The following TBL1X variants were observed in gnomAD, a reference collection of about 807,000 sequenced individuals.
TBL1X encodes F-box-like/WD repeat-containing protein TBL1X.
A neutral mutation model predicts 50.7 loss-of-function variants in TBL1X; 10 were observed. The observed-to-expected ratio is 0.20, with a 90% CI of 0.12 to 0.33. TBL1X has a LOEUF of 0.33. Among genes scored for constraint, TBL1X ranks in the 10% least tolerant of loss-of-function variants. The pLI is 1.00. For synonymous variants in TBL1X, 190 were observed against 214.7 expected (o/e 0.88, Z 1.01); for missense variants, 340 against 504.4 (o/e 0.67, Z 3.12).
chrX:9,578,564 C>T (rs1336905307), intron 2 of TBL1X, among the ~76,000 whole-genome samples: 4 of 111,683 alleles, frequency 3.6e-5, no homozygotes, highest in Non-Finnish European at 7.5e-5. Flanking sequence ...AGAGCTCTGT[C>T]GACGGCGCTA....
chrX:9,684,665 C>G (rs1187888983), intron 6 of TBL1X, among the ~76,000 whole-genome samples: 2 of 106,070 alleles, frequency 1.9e-5, no homozygotes, highest in Non-Finnish European at 3.9e-5. Context: ...GTGTTAATAC[C>G]GGTTGTGTGG....
At chrX:9,665,488 GCTATATATAT>G (rs1281180166) in intron 5 of TBL1X, among the ~76,000 whole-genome samples, 3 of 15,065 alleles carry the variant, frequency 2.0e-4, no homozygotes, top group East Asian at 2.8e-3. Flanking sequence ...TGATATTCAA[GCTATATATAT>G]ATATATATAT....
At chrX:9,703,691 C>T (rs1436775209) in intron 12 of TBL1X, among the ~76,000 whole-genome samples, 1 of 112,196 alleles carries the variant, frequency 8.9e-6, no homozygotes, top group Non-Finnish European at 1.9e-5. Context: ...ACCTCCAGCG[C>T]ACTCCCTGTC....
chrX:9,486,175 G>A (rs886427950), intron 1 of TBL1X, among the ~76,000 whole-genome samples: 7 of 110,591 alleles, frequency 6.3e-5, no homozygotes, highest in East Asian at 2.8e-4. Flanking sequence ...CATCATCTGC[G>A]TGATAAAACC....
chrX:9,480,895 G>C (rs962228579), intron 1 of TBL1X, among the ~76,000 whole-genome samples: 3 of 110,148 alleles, frequency 2.7e-5, no homozygotes, highest in Non-Finnish European at 5.7e-5. Context: ...ATAGTGTTTG[G>C]CTTTCTTTGG....
At chrX:9,591,941 G>A (rs1433946060) in intron 2 of TBL1X, among the ~76,000 whole-genome samples, 1 of 112,290 alleles carries the variant, frequency 8.9e-6, no homozygotes, top group Non-Finnish European at 1.9e-5. Flanking sequence ...AAGCCGTTTG[G>A]TCACCTGAAG....
intron 16 of TBL1X, 95 bp from the exon 17 acceptor site, chrX:9,714,807 T>C: frequency 5.8e-6 from 5 of 858,956 alleles, no homozygotes; most frequent in Middle Eastern, 2.8e-4. Flanking sequence ...AAAATGTTCA[T>C]GACGAAACGT....
chrX:9,594,988 AAACTT>A (rs2082520471), intron 2 of TBL1X, among the ~76,000 whole-genome samples: 2 of 112,022 alleles, frequency 1.8e-5, no homozygotes. Context: ...GGAGGTTTCA[AAACTT>A]AACATTTCAT....
chrX:9,487,393 A>G (rs1188049214), intron 1 of TBL1X, among the ~76,000 whole-genome samples: 1 of 111,502 alleles, frequency 9.0e-6, no homozygotes, highest in African/African-American at 3.3e-5. Flanking sequence ...TAGATACAGA[A>G]TCATGTGATG....
rs182869817 is a variant in TBL1X, at chrX:9,576,208, C to T, written c.-130-64065C>T. 2.7e-4 allele frequency among the ~76,000 whole-genome samples: 30 copies of T among 112,079 alleles called. No homozygotes were observed. The East Asian group carries it at 7.0e-3, about 26-fold the overall frequency. ...GGGTTAGAGGGTGATTGACTGTTAG[C>T]GAAGTGGGTTGGGATGAACAAGTGC... On this transcript the variant is annotated intron_variant, in intron 2 of 17. Coordinates refer to ENST00000645353, the MANE Select transcript of TBL1X (RefSeq NM_005647.4).
intron 1 of TBL1X, among the ~76,000 whole-genome samples, chrX:9,499,448 G>A (rs1161904771): frequency 8.9e-6 from 1 of 112,224 alleles, no homozygotes; most frequent in Non-Finnish European, 1.9e-5. Flanking sequence ...CAGCCACATA[G>A]GGATAGGTCG....
At chrX:9,632,840 G>A (rs1339807816) in intron 2 of TBL1X, among the ~76,000 whole-genome samples, 1 of 111,701 alleles carries the variant, frequency 9.0e-6, no homozygotes, top group African/African-American at 3.3e-5. Flanking sequence ...CTGTGTAACC[G>A]CCAGCTTTAT....
intron 1 of TBL1X, among the ~76,000 whole-genome samples, chrX:9,495,162 C>T (rs777831023): frequency 1.8e-5 from 2 of 111,113 alleles, no homozygotes; most frequent in Non-Finnish European, 3.8e-5. Context: ...CAGCTGCCCT[C>T]GACGTTCATT....
At chrX:9,593,669 C>T (rs1444946473) in intron 2 of TBL1X, among the ~76,000 whole-genome samples, 1 of 110,629 alleles carries the variant, frequency 9.0e-6, no homozygotes, top group Non-Finnish European at 1.9e-5. Flanking sequence ...TTTCTCTCAC[C>T]TCTCCTCCAC....
rs145957784 is a variant in TBL1X, at chrX:9,564,602, G to A, written c.-131+62753G>A. Among the ~76,000 whole-genome samples, 232 of 111,072 alleles carry A rather than the reference G, an allele frequency of 2.1e-3. 3 individuals are homozygous for A. The highest frequency in any genetic ancestry group is 0.02 in the South Asian group (52 of 2,568). The stretch of plus-strand genomic sequence containing the variant: ...ACAAAAATTAGCTGGGCGTGGTGGC[G>A]CGTGCCTGTTGTCCCAGCTACTTGG... On this transcript the variant is annotated intron_variant, in intron 2 of 17. Transcript: ENST00000645353.
chrX:9,566,535 G>A (rs970410437), intron 2 of TBL1X, among the ~76,000 whole-genome samples: 6 of 111,699 alleles, frequency 5.4e-5, no homozygotes, highest in Admixed American at 9.5e-5. Flanking sequence ...CTCTTGGCCC[G>A]GTTAATTCAG....
intron 2 of TBL1X, among the ~76,000 whole-genome samples, chrX:9,519,131 A>G (rs2082095190): frequency 8.9e-6 from 1 of 112,351 alleles, no homozygotes; most frequent in South Asian, 3.6e-4. Context: ...TGTCTTGTCC[A>G]TGGTACGTGG....
At chrX:9,580,382 CA>C (rs969273666) in intron 2 of TBL1X, among the ~76,000 whole-genome samples, 1 of 111,856 alleles carries the variant, frequency 8.9e-6, no homozygotes, top group Non-Finnish European at 1.9e-5. Context: ...CGGGACAACT[CA>C]AAGTGGGGAG....
At chrX:9,691,759 A>G (rs1179591633) in intron 8 of TBL1X, 48 bp downstream of exon 8, 1 of 1,194,332 alleles carries the variant, frequency 8.4e-7, no homozygotes, top group Non-Finnish European at 1.1e-6. Context: ...GAGATGGGAG[A>G]TGCAAGCTGC....
Sources: allele counts gnomAD v4.1 joint callset (sites outside exome capture counted in the v4.1 genomes callset), GRCh38; gene constraint gnomAD v4.1.1; transcripts MANE v1.5; gene names NCBI Gene and HGNC (gene_info 2026-07-23, HGNC 2026-07-21).